FHIT: variants seen among roughly 807,000 people sequenced by gnomAD.
FHIT encodes the protein fragile histidine triad diadenosine triphosphatase, also known as bis(5'-adenosyl)-triphosphatase.
FHIT carries 19 observed loss-of-function variants against 17.9 expected under a neutral mutation model. The observed-to-expected ratio is 1.06, with a 90% CI of 0.74 to 1.56. FHIT has a LOEUF of 1.56. Among genes scored for constraint, FHIT ranks in the 40% most tolerant of loss-of-function variants. The pLI, the probability that FHIT is intolerant of heterozygous loss-of-function variation, is 0.00. For missense variants in FHIT, 248 were observed against 189.2 expected (o/e 1.31, Z -1.82); for synonymous variants, 81 against 69.7 (o/e 1.16, Z -0.81).
At chr3:60,139,850 G>A (rs1182016303) in intron 5 of FHIT, among the ~76,000 whole-genome samples, 3 of 148,630 alleles carry the variant, frequency 2.0e-5, no homozygotes, top group Non-Finnish European at 2.9e-5. Context: ...CTATGGCCAC[G>A]CAATGGCTCT....
intron 5 of FHIT, among the ~76,000 whole-genome samples, chr3:60,273,664 T>C (rs1706979281): frequency 1.3e-5 from 2 of 152,210 alleles, no homozygotes; most frequent in Admixed American, 6.5e-5. Context: ...CTGATCATAC[T>C]GCTATTCTAG....
At chr3:60,744,421 C>T (rs527598599) in intron 4 of FHIT, among the ~76,000 whole-genome samples, 1 of 151,994 alleles carries the variant, frequency 6.6e-6, no homozygotes, top group South Asian at 2.1e-4. Flanking sequence ...GTGAAAACAA[C>T]GAAAGCTCAT....
chr3:60,567,191 G>A (rs6777715), intron 4 of FHIT, among the ~76,000 whole-genome samples: 62,287 of 147,774 alleles, frequency 0.42, 12,282 homozygotes, highest in Middle Eastern at 0.55. Context: ...GAGGCATCAC[G>A]CTACCTGACT....
chr3:61,155,540 C>A (rs1451943740), intron 2 of FHIT, among the ~76,000 whole-genome samples: 1 of 152,040 alleles, frequency 6.6e-6, no homozygotes, highest in Non-Finnish European at 1.5e-5. Context: ...ACCTATCCAC[C>A]CAGGTTGAAC....
chr3:60,120,033 G>C lies in FHIT; in HGVS notation c.104-105881C>G, dbSNP rs150640334. Among the ~76,000 whole-genome samples the C allele has an allele frequency of 7.8e-3, 1,185 of 152,248 alleles. 11 individuals carry two copies. Among genetic ancestry groups the C allele is most frequent in the African/African-American group, 0.026 (1,082 of 41,538 alleles). On this transcript the variant is annotated intron_variant, in intron 5 of 9. Coordinates refer to ENST00000492590, the MANE Select transcript of FHIT (RefSeq NM_002012.4). Reference sequence around the variant, plus strand: ...AATCAGCCTAATCAACATTCCTGAAGCTTACGGCACTGTTACCACATTTCT... The same window carrying C: ...AATCAGCCTAATCAACATTCCTGAACCTTACGGCACTGTTACCACATTTCT...
chr3:60,535,049 C>T (rs1559520288), intron 5 of FHIT, among the ~76,000 whole-genome samples: 1 of 152,140 alleles, frequency 6.6e-6, no homozygotes, highest in South Asian at 2.1e-4. Context: ...CATGGCAAAA[C>T]CCCGTCTCTA....
chr3:60,082,186 G>C (rs565214866), intron 5 of FHIT, among the ~76,000 whole-genome samples: 27 of 151,856 alleles, frequency 1.8e-4, no homozygotes, highest in African/African-American at 6.5e-4. Context: ...TACCATGTTT[G>C]TCTGTTTAAC....
chr3:59,824,542 T>C (rs942987672), intron 8 of FHIT, among the ~76,000 whole-genome samples: 2 of 152,244 alleles, frequency 1.3e-5, no homozygotes, highest in Admixed American at 1.3e-4. Context: ...TTTGGTAATT[T>C]TCATACAGCC....
chr3:60,849,335 T>G (rs550162833), intron 3 of FHIT, among the ~76,000 whole-genome samples: 1 of 151,754 alleles, frequency 6.6e-6, no homozygotes, highest in Non-Finnish European at 1.5e-5. Context: ...AGGATTGTTG[T>G]CAATTCTTTC....
At chr3:60,605,940 A>T (rs1362891550) in intron 4 of FHIT, among the ~76,000 whole-genome samples, 2 of 152,176 alleles carry the variant, frequency 1.3e-5, no homozygotes, top group African/African-American at 4.8e-5. Flanking sequence ...ATAGTATCTG[A>T]CTGCTCTGTC....
intron 4 of FHIT, among the ~76,000 whole-genome samples, chr3:60,742,993 C>CTTGGTTCTCCCTTT (rs1445215615): frequency 6.6e-6 from 1 of 152,234 alleles, no homozygotes; most frequent in Non-Finnish European, 1.5e-5. Flanking sequence ...AACACCCAGG[C>CTTGGTTCTCCCTTT]TTGGTTCTCC....
chr3:60,168,621 C>T (rs1369215646), intron 5 of FHIT, among the ~76,000 whole-genome samples: 1 of 152,190 alleles, frequency 6.6e-6, no homozygotes, highest in African/African-American at 2.4e-5. Context: ...AGATTATTGA[C>T]TTCACTTTCA....
chr3:61,154,243 T>G (rs992351494), intron 2 of FHIT, among the ~76,000 whole-genome samples: 5 of 152,196 alleles, frequency 3.3e-5, no homozygotes, highest in African/African-American at 1.2e-4. Context: ...CCTCCCAGAA[T>G]GATAGGACCA....
At chr3:60,595,293 C>G (rs552065543) in intron 4 of FHIT, among the ~76,000 whole-genome samples, 1 of 151,316 alleles carries the variant, frequency 6.6e-6, no homozygotes, top group Admixed American at 6.6e-5. Flanking sequence ...GGAGAGCCAA[C>G]GAGGAGAAAT....
chr3:60,842,993 T>A (rs1882897), intron 3 of FHIT, among the ~76,000 whole-genome samples: 93 of 152,114 alleles, frequency 6.1e-4, no homozygotes, highest in South Asian at 1.5e-3. Flanking sequence ...CAGATAGATA[T>A]AATCTATCAT....
At chr3:60,867,120 C>T (rs1260510352) in intron 3 of FHIT, among the ~76,000 whole-genome samples, 1 of 151,996 alleles carries the variant, frequency 6.6e-6, no homozygotes, top group Admixed American at 6.6e-5. Flanking sequence ...TTATGAACAC[C>T]CACTCCCATA....
intron 3 of FHIT, among the ~76,000 whole-genome samples, chr3:60,844,776 G>C (rs932160748): frequency 3.3e-5 from 5 of 152,014 alleles, no homozygotes; most frequent in Admixed American, 2.0e-4. Flanking sequence ...TGTCTATACA[G>C]GTTTAATATG....
chr3:60,973,613 C>T (rs1017024177), intron 3 of FHIT, among the ~76,000 whole-genome samples: 9 of 152,108 alleles, frequency 5.9e-5, no homozygotes, highest in African/African-American at 2.2e-4. Context: ...AGTTACGCTC[C>T]TTGTTGATGT....
chr3:60,708,114 G>A (rs2041420593), intron 4 of FHIT, among the ~76,000 whole-genome samples: 1 of 152,158 alleles, frequency 6.6e-6, no homozygotes, highest in Non-Finnish European at 1.5e-5. Flanking sequence ...TGAAAATACA[G>A]TGGTTGGCAA....
Sources: gnomAD v4.1 joint callset for allele counts (sites outside exome capture counted in the v4.1 genomes callset) on GRCh38, gnomAD v4.1.1 for gene constraint, MANE v1.5 for transcripts, NCBI Gene and HGNC (gene_info 2026-07-23, HGNC 2026-07-21) for gene names.